Variants in ASXL2 observed in about 807,000 individuals in gnomAD.
The protein encoded by ASXL2 is ASXL transcriptional regulator 2, also known as putative Polycomb group protein ASXL2.
A neutral mutation model predicts 122.0 loss-of-function variants in ASXL2; 23 were observed. That is an observed-to-expected ratio of 0.19 (90% CI 0.14 to 0.27). ASXL2 has a LOEUF of 0.27. Among genes scored for constraint, ASXL2 ranks in the 10% least tolerant of loss-of-function variants. The pLI, the probability that ASXL2 is intolerant of heterozygous loss-of-function variation, is 1.00. For missense variants in ASXL2, 1,518 were observed against 1,713.8 expected (o/e 0.89, Z 2.02); for synonymous variants, 650 against 637.0 (o/e 1.02, Z -0.31).
chr2:25,849,452 C>CAAA (rs34833277), intron 1 of ASXL2, among the ~76,000 whole-genome samples: 13,364 of 70,168 alleles, frequency 0.19, 1,162 homozygotes, highest in Non-Finnish European at 0.28. Flanking sequence ...GACTCTGACT[C>CAAA]AAAAAAAAAA....
At chr2:25,795,817 G>C (rs2088904366) in intron 5 of ASXL2, among the ~76,000 whole-genome samples, 1 of 152,134 alleles carries the variant, frequency 6.6e-6, no homozygotes, top group African/African-American at 2.4e-5. Flanking sequence ...GGAGAAGCAG[G>C]GGATAGAGAC....
At chr2:25,762,392 G>A (rs2088269509) in intron 8 of ASXL2, among the ~76,000 whole-genome samples, 1 of 151,514 alleles carries the variant, frequency 6.6e-6, no homozygotes, top group South Asian at 2.1e-4. Flanking sequence ...GAGGCTGGGA[G>A]TCGTGGCCCA....
chr2:25,751,095 T>C (rs756466896), intron 11 of ASXL2, among the ~76,000 whole-genome samples: 3 of 152,230 alleles, frequency 2.0e-5, no homozygotes, highest in Non-Finnish European at 2.9e-5. Flanking sequence ...ATAATGTGGC[T>C]TGGCTAAAAG....
At chr2:25,808,013 ACACACACACT>A (rs1459583109) in intron 3 of ASXL2, among the ~76,000 whole-genome samples, 46 of 151,612 alleles carry the variant, frequency 3.0e-4, no homozygotes, top group African/African-American at 9.7e-4. Context: ...ACACACACAC[ACACACACACT>A]CTCCACCCCA....
chr2:25,826,183 G>A (rs373106571), intron 3 of ASXL2, among the ~76,000 whole-genome samples: 3 of 152,258 alleles, frequency 2.0e-5, no homozygotes, highest in South Asian at 4.1e-4. Flanking sequence ...AAATCTGGGG[G>A]GCTCTTTGTT....
chr2:25,761,057 A>C (rs1351109389), intron 8 of ASXL2, among the ~76,000 whole-genome samples: 1 of 152,192 alleles, frequency 6.6e-6, no homozygotes, highest in African/African-American at 2.4e-5. Flanking sequence ...CCCAATTTAT[A>C]CTCTCAGAAT....
intron 5 of ASXL2, among the ~76,000 whole-genome samples, chr2:25,773,533 G>A (rs2149157228): frequency 6.6e-6 from 1 of 151,960 alleles, no homozygotes; most frequent in Non-Finnish European, 1.5e-5. Flanking sequence ...GGGTGTGGTG[G>A]CGGGCGCTTG....
chr2:25,845,818 A>G (rs183947299), intron 1 of ASXL2, among the ~76,000 whole-genome samples: 1 of 152,308 alleles, frequency 6.6e-6, no homozygotes, highest in African/African-American at 2.4e-5. Flanking sequence ...TGCACAATAA[A>G]TTCTTAACCA....
chr2:25,761,418 T>TA (rs1211465831), intron 8 of ASXL2, among the ~76,000 whole-genome samples: 1 of 152,120 alleles, frequency 6.6e-6, no homozygotes, highest in African/African-American at 2.4e-5. Context: ...CTCATGCCTG[T>TA]AATCGCAGCA....
rs906012524 is a variant in ASXL2, at chr2:25,749,598, A to G, written c.1860+98T>C. 9 of 946,456 alleles carry G rather than the reference A, an allele frequency of 9.5e-6. No individual in the cohort carries two copies. In the South Asian group the frequency reaches 1.8e-4, roughly 19 times the overall value. 58.6% of individuals were successfully genotyped at this position (946,456 alleles called of 1,614,324 possible). A position where few individuals can be genotyped will look rare whatever the true frequency, so the allele number is the denominator to read the frequency against. On this transcript the variant is annotated intron_variant, in intron 12 of 12. Transcript: ENST00000435504. ...ATCAAATATATCCAACTGCTTCTGC[A>G]TTAAGAACTACCACAATTTACTTGA...
chr2:25,803,930 C>T (rs1355041534), intron 4 of ASXL2, among the ~76,000 whole-genome samples: 1 of 152,180 alleles, frequency 6.6e-6, no homozygotes, highest in Non-Finnish European at 1.5e-5. Flanking sequence ...CTCCACACAT[C>T]TGGTGTTAGA....
intron 1 of ASXL2, among the ~76,000 whole-genome samples, chr2:25,858,557 T>C (rs990200476): frequency 2.0e-5 from 3 of 151,698 alleles, no homozygotes; most frequent in Non-Finnish European, 4.4e-5. Context: ...ACCCCATCTC[T>C]ACTAAAAATA....
chr2:25,765,299 C>T (rs750690968), intron 8 of ASXL2, among the ~76,000 whole-genome samples: 6 of 151,956 alleles, frequency 3.9e-5, no homozygotes, highest in Non-Finnish European at 7.4e-5. Context: ...TCCTGGCTAA[C>T]ACAGTGAAAC....
intron 4 of ASXL2, 96 bp from the exon 5 acceptor site, chr2:25,799,631 A>G (rs896164049): frequency 4.2e-6 from 6 of 1,416,974 alleles, no homozygotes; most frequent in Admixed American, 4.8e-5. Context: ...TAATTGCACT[A>G]ATTTTTGTTA....
At chr2:25,781,956 G>A (rs1194727304) in intron 5 of ASXL2, among the ~76,000 whole-genome samples, 11 of 77,470 alleles carry the variant, frequency 1.4e-4, no homozygotes, top group Non-Finnish European at 3.1e-4. Context: ...GCCACCGCCC[G>A]GGCTTTTTTC....
chr2:25,838,083 T>TC (rs2089534822), intron 2 of ASXL2, among the ~76,000 whole-genome samples: 1 of 151,952 alleles, frequency 6.6e-6, no homozygotes, highest in Non-Finnish European at 1.5e-5. Flanking sequence ...TGGGTGACAG[T>TC]GAGACTATCT....
intron 5 of ASXL2, among the ~76,000 whole-genome samples, chr2:25,776,486 T>C (rs1218266888): frequency 3.3e-5 from 5 of 152,248 alleles, no homozygotes; most frequent in African/African-American, 9.6e-5. Flanking sequence ...AGATGTTTTA[T>C]GTATGTGCTT....
chr2:25,868,731 C>G (rs531668178), intron 1 of ASXL2, among the ~76,000 whole-genome samples: 63 of 152,314 alleles, frequency 4.1e-4, no homozygotes, highest in African/African-American at 1.4e-3. Context: ...ATCATCCTCT[C>G]TTAAAAGTAA....
intron 3 of ASXL2, among the ~76,000 whole-genome samples, chr2:25,821,032 A>T (rs1414783325): frequency 6.6e-6 from 1 of 151,954 alleles, no homozygotes; most frequent in Non-Finnish European, 1.5e-5. Flanking sequence ...ACACAAAATT[A>T]GCCGGGCATG....
Sources: allele counts gnomAD v4.1 joint callset (sites outside exome capture counted in the v4.1 genomes callset), GRCh38; gene constraint gnomAD v4.1.1; transcripts MANE v1.5; gene names NCBI Gene and HGNC (gene_info 2026-07-23, HGNC 2026-07-21).